The following MIPOL1 variants were observed in gnomAD, a reference collection of about 807,000 sequenced individuals.
The protein encoded by MIPOL1 is mirror-image polydactyly gene 1 protein.
A neutral mutation model predicts 60.9 loss-of-function variants in MIPOL1; 57 were observed. That is an observed-to-expected ratio of 0.94 (90% CI 0.76 to 1.17). MIPOL1 has a LOEUF of 1.17. Among genes scored for constraint, MIPOL1 ranks in the 50% most tolerant of loss-of-function variants. The pLI is 0.00. For missense variants in MIPOL1, 551 were observed against 511.6 expected (o/e 1.08, Z -0.74); for synonymous variants, 179 against 168.8 (o/e 1.06, Z -0.47).
intron 3 of MIPOL1, among the ~76,000 whole-genome samples, chr14:37,258,718 C>T (rs1212462411): frequency 6.6e-6 from 1 of 151,992 alleles, no homozygotes; most frequent in Non-Finnish European, 1.5e-5. Flanking sequence ...AATTTAAAAG[C>T]TTAAACATAT....
chr14:37,470,494 C>T (rs1302920043), intron 11 of MIPOL1, among the ~76,000 whole-genome samples: 3 of 152,028 alleles, frequency 2.0e-5, no homozygotes, highest in Non-Finnish European at 4.4e-5. Context: ...CCTCCTCTTC[C>T]TCTCTCTCTC....
At chr14:37,502,458 C>G (rs1402336312) in intron 12 of MIPOL1, 1 of 152,444 alleles carries the variant, frequency 6.6e-6, no homozygotes, top group Non-Finnish European at 1.5e-5. Context: ...ACAGCCTCTG[C>G]TGGTGATACC....
At chr14:37,481,301 G>A (rs113352652) in intron 11 of MIPOL1, among the ~76,000 whole-genome samples, 2,022 of 151,908 alleles carry the variant, frequency 0.013, 46 homozygotes, top group African/African-American at 0.045. Flanking sequence ...ATTAAACCTT[G>A]GGAATAAATT....
At chr14:37,250,887 A>G (rs573995042) in intron 3 of MIPOL1, among the ~76,000 whole-genome samples, 2 of 152,242 alleles carry the variant, frequency 1.3e-5, no homozygotes, top group African/African-American at 4.8e-5. Flanking sequence ...GCTTTACTGT[A>G]GAAACGCTTC....
chr14:37,360,439 A>G (rs2092157306), intron 9 of MIPOL1, among the ~76,000 whole-genome samples: 1 of 152,196 alleles, frequency 6.6e-6, no homozygotes. Flanking sequence ...GATGTGATCC[A>G]TCTAGTCCTG....
chr14:37,202,761 C>T (rs567939878), intron 1 of MIPOL1, among the ~76,000 whole-genome samples: 1 of 152,332 alleles, frequency 6.6e-6, no homozygotes, highest in African/African-American at 2.4e-5. Context: ...ATTGCCTGCA[C>T]TACATTGCCA....
At chr14:37,294,059 C>A (rs973096474) in intron 7 of MIPOL1, among the ~76,000 whole-genome samples, 7 of 152,164 alleles carry the variant, frequency 4.6e-5, no homozygotes, top group Non-Finnish European at 8.8e-5. Context: ...AGGCATCCCC[C>A]AGTAGGGGCG....
At chr14:37,294,635 A>G (rs1381021071) in intron 7 of MIPOL1, among the ~76,000 whole-genome samples, 1 of 152,184 alleles carries the variant, frequency 6.6e-6, no homozygotes, top group Non-Finnish European at 1.5e-5. Context: ...AGCTGAAAAC[A>G]ATGGCACGAG....
intron 11 of MIPOL1, among the ~76,000 whole-genome samples, chr14:37,474,325 C>A (rs560942827): frequency 2.6e-4 from 39 of 152,262 alleles, no homozygotes; most frequent in Non-Finnish European, 3.7e-4. Context: ...GCTGTGTCCC[C>A]ACCCAAATCT....
intron 1 of MIPOL1, among the ~76,000 whole-genome samples, chr14:37,238,753 C>T (rs1971880201): frequency 6.8e-6 from 1 of 147,626 alleles, no homozygotes; most frequent in African/African-American, 2.5e-5. Context: ...AGTTCAAGAC[C>T]AGTCTGGGCA....
chr14:37,299,828 G>A (rs959506234), intron 7 of MIPOL1, among the ~76,000 whole-genome samples: 1 of 151,948 alleles, frequency 6.6e-6, no homozygotes, highest in Non-Finnish European at 1.5e-5. Context: ...TTATGCTCTA[G>A]GATCCTATGC....
At chr14:37,504,301 A>G (rs1007962575) in intron 12 of MIPOL1, 3 of 152,190 alleles carry the variant, frequency 2.0e-5, no homozygotes, top group Non-Finnish European at 2.9e-5. Flanking sequence ...AACAGAATAT[A>G]CTTTCTTCTC....
At chr14:37,440,895 G>A (rs1161047182) in intron 11 of MIPOL1, among the ~76,000 whole-genome samples, 1 of 152,028 alleles carries the variant, frequency 6.6e-6, no homozygotes, top group Non-Finnish European at 1.5e-5. Context: ...ATATGAGTTC[G>A]TTTATGTCTG....
intron 9 of MIPOL1, among the ~76,000 whole-genome samples, chr14:37,361,095 G>C (rs547416004): frequency 6.6e-6 from 1 of 152,142 alleles, no homozygotes; most frequent in African/African-American, 2.4e-5. Flanking sequence ...TCATTTAGGA[G>C]CAGTTGTTCA....
At chr14:37,542,175 A>G (rs533343563) in intron 12 of MIPOL1, among the ~76,000 whole-genome samples, 1 of 152,242 alleles carries the variant, frequency 6.6e-6, no homozygotes, top group South Asian at 2.1e-4. Flanking sequence ...TTAAGCACCT[A>G]CTTAACTCTG....
intron 10 of MIPOL1, among the ~76,000 whole-genome samples, chr14:37,386,216 G>A (rs557537951): frequency 2.0e-5 from 3 of 152,014 alleles, no homozygotes; most frequent in East Asian, 1.9e-4. Context: ...AATTTGAGAT[G>A]TTCCTAGCTA....
chr14:37,368,577 A>T (rs2092549654), intron 9 of MIPOL1, among the ~76,000 whole-genome samples: 1 of 152,044 alleles, frequency 6.6e-6, no homozygotes, highest in African/African-American at 2.4e-5. Flanking sequence ...TGTCCTTATT[A>T]GTTGTTTTGT....
rs2088377173 is a variant in MIPOL1, at chr14:37,319,929, C to A, written c.828+11410C>A. On this transcript the variant is annotated intron_variant, in intron 9 of 12. Transcript: ENST00000684589. ...TATACTCCTTGTGTCTAATTTCTGT[C>A]ACCCAGTGTTAACTACTGTATGTTG... Among the ~76,000 whole-genome samples, 3 of 152,086 alleles carry A rather than the reference C, an allele frequency of 2.0e-5. 1 individual carries two copies. The South Asian group carries it at 6.2e-4, about 32-fold the overall frequency.
intron 9 of MIPOL1, among the ~76,000 whole-genome samples, chr14:37,353,996 G>A (rs1017571406): frequency 2.0e-5 from 3 of 151,778 alleles, no homozygotes; most frequent in East Asian, 1.9e-4. Flanking sequence ...TAATTGTGAT[G>A]TTAGGGTGTC....
Sources: allele counts gnomAD v4.1 joint callset (sites outside exome capture counted in the v4.1 genomes callset), GRCh38; gene constraint gnomAD v4.1.1; transcripts MANE v1.5; gene names NCBI Gene and HGNC (gene_info 2026-07-23, HGNC 2026-07-21).